Variants in EBF1 observed in about 807,000 individuals in gnomAD.
EBF1 encodes transcription factor COE1.
In EBF1, 10 loss-of-function variants were observed where a neutral mutation model predicts 68.4. The observed-to-expected ratio is 0.15, with a 90% CI of 0.09 to 0.25. The LOEUF (loss-of-function observed/expected upper bound fraction) is 0.25, where lower values mean the gene tolerates loss of function less well. Among genes scored for constraint, EBF1 ranks in the 10% least tolerant of loss-of-function variants. The pLI is 1.00. For missense variants in EBF1, 509 were observed against 794.4 expected (o/e 0.64, Z 4.32); for synonymous variants, 298 against 299.8 (o/e 0.99, Z 0.06).
chr5:158,978,827 C>G (rs1467705689), intron 6 of EBF1, among the ~76,000 whole-genome samples: 7 of 147,784 alleles, frequency 4.7e-5, no homozygotes, highest in African/African-American at 1.8e-4. Flanking sequence ...CACACACACA[C>G]ACACACACAG....
At chr5:159,048,518 C>G (rs116081865) in intron 6 of EBF1, among the ~76,000 whole-genome samples, 2 of 152,190 alleles carry the variant, frequency 1.3e-5, no homozygotes, top group Non-Finnish European at 2.9e-5. Flanking sequence ...GCCTCTTGTA[C>G]TTCTGGAGCC....
chr5:159,020,142 C>T lies in EBF1; in HGVS notation c.554+53254G>A, dbSNP rs185264351. ...CTCCTTTGCCAGGATTCTAAGTGTC[C>T]TTACCTCACCCCTGCAAACCAGCCC... is the stretch of plus-strand genomic sequence containing the variant. On this transcript the variant is annotated intron_variant, in intron 6 of 15. Transcript: ENST00000313708. Among the ~76,000 whole-genome samples the T allele has an allele frequency of 7.2e-5, 11 of 152,240 alleles. No individual in the cohort carries two copies. The East Asian group carries it at 1.5e-3, about 21-fold the overall frequency.
At chr5:158,715,442 C>T (rs953557525) in intron 11 of EBF1, among the ~76,000 whole-genome samples, 11 of 152,142 alleles carry the variant, frequency 7.2e-5, no homozygotes, top group African/African-American at 2.2e-4. Flanking sequence ...ATTTTAAATT[C>T]TCTATAATAT....
chr5:158,742,300 G>A (rs976055528), intron 10 of EBF1, among the ~76,000 whole-genome samples: 2 of 151,932 alleles, frequency 1.3e-5, no homozygotes. Context: ...TCTTCCCTTT[G>A]TCCCAACCGT....
intron 6 of EBF1, among the ~76,000 whole-genome samples, chr5:159,020,387 C>G (rs1766433628): frequency 1.3e-5 from 2 of 152,226 alleles, no homozygotes; most frequent in African/African-American, 4.8e-5. Context: ...GAGCCTAACA[C>G]AGGACTTGGC....
intron 6 of EBF1, among the ~76,000 whole-genome samples, chr5:158,858,866 G>C (rs1794513982): frequency 6.6e-6 from 1 of 152,142 alleles, no homozygotes; most frequent in Admixed American, 6.5e-5. Context: ...GGAAGGTAAA[G>C]CCCTCCTAAT....
At chr5:158,714,818 T>C (rs1321815746) in intron 11 of EBF1, among the ~76,000 whole-genome samples, 1 of 152,190 alleles carries the variant, frequency 6.6e-6, no homozygotes, top group African/African-American at 2.4e-5. Context: ...ATTTCTTTAA[T>C]AGCAATTATT....
At chr5:158,933,042 G>T (rs1287495906) in intron 6 of EBF1, among the ~76,000 whole-genome samples, 1 of 152,124 alleles carries the variant, frequency 6.6e-6, no homozygotes, top group Non-Finnish European at 1.5e-5. Context: ...CTGGGCTTAG[G>T]ATAATTGTAG....
chr5:158,713,974 CA>C (rs1423842886), intron 12 of EBF1, 142 bp downstream of exon 12: 1 of 768,066 alleles, frequency 1.3e-6, no homozygotes, highest in Non-Finnish European at 2.1e-6. Flanking sequence ...AATCATCTTG[CA>C]ACATGTTATA....
intron 6 of EBF1, among the ~76,000 whole-genome samples, chr5:158,940,783 G>C (rs1263505559): frequency 8.7e-5 from 1 of 11,508 alleles, no homozygotes; most frequent in Non-Finnish European, 2.2e-4. Context: ...CCCCCCCGCA[G>C]GTCAAATGGA....
chr5:158,988,893 C>T (rs1223665172), intron 6 of EBF1, among the ~76,000 whole-genome samples: 2 of 152,148 alleles, frequency 1.3e-5, no homozygotes, highest in Non-Finnish European at 2.9e-5. Flanking sequence ...TTCAAAGGGG[C>T]CTTCACTCTT....
chr5:158,789,943 C>A (rs935250010), intron 9 of EBF1, among the ~76,000 whole-genome samples: 1 of 152,278 alleles, frequency 6.6e-6, no homozygotes, highest in South Asian at 2.1e-4. Flanking sequence ...TGAAGGACTG[C>A]ATTTACCACT....
At chr5:158,867,211 C>T (rs1332936910) in intron 6 of EBF1, among the ~76,000 whole-genome samples, 1 of 152,068 alleles carries the variant, frequency 6.6e-6, no homozygotes, top group Non-Finnish European at 1.5e-5. Context: ...GTTCACATTA[C>T]GCCTAGAATA....
intron 6 of EBF1, among the ~76,000 whole-genome samples, chr5:158,947,227 C>T (rs553735171): frequency 6.6e-6 from 1 of 151,810 alleles, no homozygotes; most frequent in East Asian, 1.9e-4. Context: ...CAGGCGCCAC[C>T]AGGGTATGGA....
chr5:159,070,661 A>G (rs1484405498), intron 6 of EBF1, among the ~76,000 whole-genome samples: 1 of 152,214 alleles, frequency 6.6e-6, no homozygotes, highest in African/African-American at 2.4e-5. Context: ...AAGGACAAGC[A>G]AAGAGAGCTA....
chr5:158,933,692 G>A (rs1200393313), intron 6 of EBF1, among the ~76,000 whole-genome samples: 1 of 152,132 alleles, frequency 6.6e-6, no homozygotes, highest in Non-Finnish European at 1.5e-5. Flanking sequence ...CTGAGCCAAT[G>A]GTCACTCACC....
At chr5:158,829,047 A>G (rs928649185) in intron 7 of EBF1, among the ~76,000 whole-genome samples, 2 of 152,222 alleles carry the variant, frequency 1.3e-5, no homozygotes, top group Admixed American at 1.3e-4. Context: ...AGAGGGAGGA[A>G]TGGGTGAAGG....
intron 6 of EBF1, among the ~76,000 whole-genome samples, chr5:158,855,615 A>C (rs1188877395): frequency 6.6e-6 from 1 of 152,178 alleles, no homozygotes; most frequent in Admixed American, 6.5e-5. Context: ...TACCTCAGTG[A>C]TCCCCCTCTC....
At chr5:158,960,617 C>CA (rs1274149870) in intron 6 of EBF1, among the ~76,000 whole-genome samples, 2 of 152,208 alleles carry the variant, frequency 1.3e-5, no homozygotes, top group Non-Finnish European at 1.5e-5. Context: ...AATATATCCA[C>CA]AAATTCTTCA....
Sources: allele counts gnomAD v4.1 joint callset (sites outside exome capture counted in the v4.1 genomes callset), GRCh38; gene constraint gnomAD v4.1.1; transcripts MANE v1.5; gene names NCBI Gene and HGNC (gene_info 2026-07-23, HGNC 2026-07-21).